Variants in LRRIQ1 observed in about 807,000 individuals in gnomAD.
LRRIQ1 encodes the protein leucine-rich repeat- and IQ domain-containing protein 1.
LRRIQ1 carries 210 observed loss-of-function variants against 211.9 expected under a neutral mutation model. The ratio of observed to expected loss-of-function variants is 0.99; its 90% CI spans 0.89 to 1.11. The LOEUF (loss-of-function observed/expected upper bound fraction) is 1.11, where lower values mean the gene tolerates loss of function less well. Among genes scored for constraint, LRRIQ1 ranks in the 50% most tolerant of loss-of-function variants. The probability of loss-of-function intolerance (pLI) is 0.00; values close to 1 mark genes in which losing one functional copy is unlikely to be tolerated. For synonymous variants in LRRIQ1, 699 were observed against 650.1 expected (o/e 1.08, Z -1.14); for missense variants, 2,136 against 1,939.5 (o/e 1.10, Z -1.90).
intron 26 of LRRIQ1, among the ~76,000 whole-genome samples, chr12:85,242,143 T>G (rs1895491084): frequency 6.6e-6 from 1 of 152,062 alleles, no homozygotes; most frequent in Admixed American, 6.6e-5. Flanking sequence ...GAGAAAATTC[T>G]TATCTGACAT....
At chr12:85,243,620 A>T (rs756856655) in intron 26 of LRRIQ1, among the ~76,000 whole-genome samples, 10 of 151,254 alleles carry the variant, frequency 6.6e-5, no homozygotes, top group African/African-American at 9.7e-5. Flanking sequence ...GTATATATAT[A>T]TTTTAAAACA....
Position 85,065,375 on chromosome 12 carries a change from C to T in LRRIQ1, c.2505C>T (p.Ser835=). The part of the protein sequence containing the change: ...LRRCGLTSLH[S]LSNCKKLKYI... ...GCTGTGGATTAACTTCTTTGCACAG[C>T]CTGAGTAATTGTAAAAAACTTAAGT... The change falls in exon 9 of 27, where the codon AGC becomes AGT. Residue 835 remains serine (S), a synonymous_variant. Coordinates refer to ENST00000393217, the MANE Select transcript of LRRIQ1 (RefSeq NM_001079910.2). The T allele has an allele frequency of 6.2e-7, 1 of 1,610,122 alleles. No individual in the cohort carries two copies. Among genetic ancestry groups the T allele is most frequent in the Non-Finnish European group, 8.5e-7 (1 of 1,177,560 alleles).
intron 24 of LRRIQ1, among the ~76,000 whole-genome samples, chr12:85,164,560 T>G (rs969135909): frequency 5.9e-5 from 9 of 152,224 alleles, no homozygotes; most frequent in African/African-American, 2.2e-4. Flanking sequence ...CTTCTTGTTC[T>G]TGTTTACAAT....
Position 85,124,488 on chromosome 12 carries a change from A to G in LRRIQ1, c.3976A>G (p.Asn1326Asp). 1.2e-6 allele frequency: 2 copies of G among 1,612,978 alleles called. No homozygotes were observed. The highest frequency in any genetic ancestry group is 1.7e-6 in the Non-Finnish European group (2 of 1,179,886). ...EVVMTNSLLR[N>D]HQNIEPSEKI... ...AGTAATGACAAATTCTTTGCTGAGG[A>G]ATCACCAAAATATTGAGCCTAGTGA... Residue 1326 changes from asparagine to aspartate, a missense_variant, in exon 17 of 27, where the codon AAT (asparagine) becomes GAT (aspartate). Asn to Asp is a conservative substitution (Grantham distance 23). Coordinates refer to ENST00000393217, the MANE Select transcript of LRRIQ1 (RefSeq NM_001079910.2).
Position 85,124,420 on chromosome 12 carries a change from A to G in LRRIQ1, c.3908A>G (p.Lys1303Arg). The change falls in exon 17 of 27, where the codon AAG becomes AGG. Residue 1303 changes from lysine (K) to arginine (R), a missense_variant. Physicochemically the swap from Lys to Arg is conservative, Grantham distance 26. Coordinates refer to ENST00000393217, the MANE Select transcript of LRRIQ1 (RefSeq NM_001079910.2). ...ILVCQKREDS[K>R]ASSIPTIRIP... ...GTATGTCAGAAGAGAGAAGACAGCAAGGCAAGCAGTATTCCCACCATAAGA... is the reference window on the plus strand; with the variant it reads ...GTATGTCAGAAGAGAGAAGACAGCAGGGCAAGCAGTATTCCCACCATAAGA... The G allele has an allele frequency of 6.2e-7, 1 of 1,614,068 alleles. No individual in the cohort carries two copies. The highest frequency in any genetic ancestry group is 1.7e-5 in the Admixed American group (1 of 60,026).
intron 16 of LRRIQ1, among the ~76,000 whole-genome samples, chr12:85,123,135 A>G (rs1219251399): frequency 2.0e-5 from 3 of 152,060 alleles, no homozygotes; most frequent in South Asian, 2.1e-4. Context: ...TGAATGAAAT[A>G]CAAAATATAA....
chr12:85,261,472 T>C (rs1896284552), intron 1 of LRRIQ1, among the ~76,000 whole-genome samples: 1 of 152,158 alleles, frequency 6.6e-6, no homozygotes, highest in Non-Finnish European at 1.5e-5. Flanking sequence ...GGCCTAATGT[T>C]TGCTGACTCT....
At chr12:85,229,433 T>TA in intron 24 of LRRIQ1, 84 bp from the exon 25 acceptor site, 1 of 1,096,680 alleles carries the variant, frequency 9.1e-7, no homozygotes, top group African/African-American at 1.6e-5. Flanking sequence ...TTTCTTGTGA[T>TA]AAAATGTTTA....
intron 11 of LRRIQ1, among the ~76,000 whole-genome samples, chr12:85,083,844 G>C (rs1278878235): frequency 6.6e-6 from 1 of 152,196 alleles, no homozygotes; most frequent in African/African-American, 2.4e-5. Flanking sequence ...CAGCCAGTAT[G>C]TATGAGCCTT....
intron 24 of LRRIQ1, among the ~76,000 whole-genome samples, chr12:85,198,684 C>A (rs535892922): frequency 6.6e-6 from 1 of 152,058 alleles, no homozygotes; most frequent in Non-Finnish European, 1.5e-5. Flanking sequence ...TCTCCTGCCT[C>A]AGCTTCCCAA....
chr12:85,257,408 C>G (rs1052701922), intron 1 of LRRIQ1, among the ~76,000 whole-genome samples: 2 of 149,690 alleles, frequency 1.3e-5, no homozygotes, highest in African/African-American at 4.9e-5. Context: ...GGGAATAGAC[C>G]TTTCCCAAAC....
intron 14 of LRRIQ1, among the ~76,000 whole-genome samples, chr12:85,105,040 A>G (rs1324755738): frequency 2.6e-5 from 4 of 151,876 alleles, no homozygotes; most frequent in Admixed American, 1.3e-4. Context: ...TGATTTTTGC[A>G]CCCTCTTTTG....
At chr12:85,117,564 A>G (rs1887674382) in intron 15 of LRRIQ1, among the ~76,000 whole-genome samples, 1 of 152,068 alleles carries the variant, frequency 6.6e-6, no homozygotes. Flanking sequence ...ACTCAGGTCC[A>G]CTCTAGAGAT....
chr12:85,180,639 TA>T (rs1891935630), intron 24 of LRRIQ1, among the ~76,000 whole-genome samples: 1 of 151,902 alleles, frequency 6.6e-6, no homozygotes, highest in African/African-American at 2.4e-5. Flanking sequence ...CATAATGAGA[TA>T]AAATAATGCA....
At chr12:85,192,152 A>G (rs1429060559) in intron 24 of LRRIQ1, among the ~76,000 whole-genome samples, 1 of 151,242 alleles carries the variant, frequency 6.6e-6, no homozygotes, top group Admixed American at 6.7e-5. Flanking sequence ...GTCCTTATCC[A>G]TCTCCTGTCC....
chr12:85,040,505 C>G lies in LRRIQ1; in HGVS notation c.148C>G (p.Pro50Ala). The change falls in exon 3 of 27, where the codon CCA (proline) becomes GCA (alanine). Residue 50 changes from proline (P) to alanine (A), a missense_variant. Transcript: ENST00000393217. ...DDSDTDSVELPESVLHCINII... is the reference protein window; with the variant it reads ...DDSDTDSVELAESVLHCINII... ...AAATTTTTAGGATTCAGTTGAATTA[C>G]CAGAATCAGTTCTTCACTGTATTAA... 1.9e-6 allele frequency: 3 copies of G among 1,540,208 alleles called. No homozygotes were observed. The highest frequency in any genetic ancestry group is 2.6e-6 in the Non-Finnish European group (3 of 1,141,532).
At chr12:85,107,642 A>G (rs2136328592) in intron 15 of LRRIQ1, among the ~76,000 whole-genome samples, 1 of 151,758 alleles carries the variant, frequency 6.6e-6, no homozygotes, top group East Asian at 1.9e-4. Flanking sequence ...ATTCTGCCCT[A>G]GTAGCACTCC....
At chr12:85,051,765 T>G (rs1156626668) in intron 6 of LRRIQ1, among the ~76,000 whole-genome samples, 1 of 152,142 alleles carries the variant, frequency 6.6e-6, no homozygotes, top group African/African-American at 2.4e-5. Context: ...TGATAAAAAC[T>G]TATTGAAAGA....
Position 85,153,118 on chromosome 12 carries a change from C to G in LRRIQ1, c.4514C>G (p.Ser1505Cys), listed in dbSNP as rs1458425385. The change falls in exon 21 of 27, where the codon TCT (serine) becomes TGT (cysteine). Residue 1505 changes from serine (S) to cysteine (C), a missense_variant. By Grantham distance (112) the Ser-to-Cys change is moderately radical. Coordinates refer to ENST00000393217, the MANE Select transcript of LRRIQ1 (RefSeq NM_001079910.2). ...WLCNDKENLS[S>C]SEHTQFNSRS... ...TGTAATGACAAAGAAAATTTGTCTTCTTCAGAACACACACAATTTAATAGC... is the reference window on the plus strand; with the variant it reads ...TGTAATGACAAAGAAAATTTGTCTTGTTCAGAACACACACAATTTAATAGC... 1 of 1,586,858 alleles carries G rather than the reference C, an allele frequency of 6.3e-7. No individual in the cohort carries two copies. Among genetic ancestry groups the G allele is most frequent in the East Asian group, 2.3e-5 (1 of 43,370 alleles).
Sources: gnomAD v4.1 joint callset for allele counts (sites outside exome capture counted in the v4.1 genomes callset) on GRCh38, gnomAD v4.1.1 for gene constraint, MANE v1.5 for transcripts, NCBI Gene and HGNC (gene_info 2026-07-23, HGNC 2026-07-21) for gene names.